The following SF3B4 variants were observed in gnomAD, a reference collection of about 807,000 sequenced individuals.
The protein encoded by SF3B4 is SAP 49.
Under a neutral mutation model 34.3 loss-of-function variants are expected in SF3B4, and 3 were observed. That is an observed-to-expected ratio of 0.09 (90% CI 0.04 to 0.23). SF3B4 has a LOEUF of 0.23. Ranked by LOEUF, SF3B4 falls within the 10% of genes least tolerant of loss-of-function variation. The probability of loss-of-function intolerance (pLI) is 1.00; values close to 1 mark genes in which losing one functional copy is unlikely to be tolerated. For missense variants in SF3B4, 283 were observed against 567.2 expected, an observed-to-expected ratio of 0.50 and a Z score of 5.09; for synonymous variants, 216 against 207.8, an observed-to-expected ratio of 1.04 and a Z score of -0.34.
rs2092588339 is a variant in SF3B4 at position 149,926,060 on chromosome 1, A to G, written c.707-18T>C. ...AGGCATGCCTATAGAGGAAATGGAA[A>G]AAGGAAGAGTTAATGGTAGTGAGGA... On this transcript the variant is annotated intron_variant, in intron 3 of 5. Coordinates refer to ENST00000271628, the MANE Select transcript of SF3B4 (RefSeq NM_005850.5). The surrounding 1 kb of genome is among the most constrained non-coding windows in gnomAD (Gnocchi z 6.2). 1.5e-6 allele frequency: 2 copies of G among 1,314,836 alleles called. No homozygotes were observed. The highest frequency in any genetic ancestry group is 2.1e-6 in the Non-Finnish European group (2 of 957,834). 81.4% of individuals were successfully genotyped at this position (1,314,836 alleles called of 1,614,324 possible).
chr1:149,926,089 A>G lies in SF3B4; in HGVS notation c.707-47T>C. 1.0e-6 allele frequency: 1 copy of G among 967,820 alleles called. No individual in the cohort carries two copies. 60.0% of individuals were successfully genotyped at this position (967,820 alleles called of 1,614,324 possible). ...GAAGAGTTAATGGTAGTGAGGAGAA[A>G]ATGTCTTTAAAGAGCCTGTCCTGAT... On this transcript the variant is annotated intron_variant, in intron 3 of 5. Coordinates refer to ENST00000271628, the MANE Select transcript of SF3B4 (RefSeq NM_005850.5). The surrounding 1 kb of genome is among the most constrained non-coding windows in gnomAD (Gnocchi z 6.2).
In SF3B4 at chr1:149,927,711, T is replaced by C. The variant is rs1277354819; in HGVS notation, c.34+15A>G. The stretch of plus-strand genomic sequence containing the variant: ...GCCACGCTGAGCCCATTCCAGACTT[T>C]CCCCCTCCAGTTACCCTGATTCCGC... On this transcript the variant is annotated intron_variant, in intron 1 of 5. Transcript: ENST00000271628. 4 of 1,552,496 alleles carry C rather than the reference T, an allele frequency of 2.6e-6. No homozygotes were observed. The highest frequency in any genetic ancestry group is 3.5e-6 in the Non-Finnish European group (4 of 1,147,470).
Position 149,923,578 on chromosome 1 carries a change from G to A in SF3B4, c.1239C>T (p.Pro413=). The change falls in exon 6 of 6, where the codon CCC becomes CCT. Residue 413 remains proline (P), a synonymous_variant. Coordinates refer to ENST00000271628, the MANE Select transcript of SF3B4 (RefSeq NM_005850.5). ...PPRPTPRPPV[P]PRGPLRGPLP... The stretch of plus-strand genomic sequence containing the variant: ...GAGGGCCTCGAAGTGGGCCTCGAGG[G>A]GGAACTGGTGGCCGGGGAGTGGGTC... The A allele has an allele frequency of 1.3e-6, 2 of 1,561,378 alleles. No homozygotes were observed. The highest frequency in any genetic ancestry group is 2.2e-5 in the Admixed American group (1 of 45,688).
In SF3B4 at chr1:149,927,798, C is replaced by T. The variant is rs781846540; in HGVS notation, c.-39G>A. ...CCGCCGTCTCCCAGCAGCGGTTCCG[C>T]CTTCTGACCTCAGCACGACTTCCAC... On this transcript the variant is annotated 5_prime_UTR_variant, in exon 1 of 6. Coordinates refer to ENST00000271628, the MANE Select transcript of SF3B4 (RefSeq NM_005850.5). The T allele has an allele frequency of 3.9e-6, 6 of 1,551,654 alleles. No individual in the cohort carries two copies. The highest frequency in any genetic ancestry group is 3.5e-6 in the Non-Finnish European group (4 of 1,147,016).
chr1:149,925,753 G>A, intron 4 of SF3B4, 83 bp downstream of exon 4: 1 of 1,026,864 alleles, frequency 9.7e-7, no homozygotes, highest in Non-Finnish European at 1.5e-6. Context: ...TGTTACTGTT[G>A]AGGAACAAAG....
chr1:149,924,029 T>C lies in SF3B4; in HGVS notation c.914-15A>G. ...CTGAGACATCCCTATGAAAATAAAATAGACACAAGAAGAAAAGAGACAAAG... is the reference window on the plus strand; with the variant it reads ...CTGAGACATCCCTATGAAAATAAAACAGACACAAGAAGAAAAGAGACAAAG... On this transcript the variant is annotated splice_polypyrimidine_tract_variant and intron_variant, in intron 4 of 5. Transcript: ENST00000271628. The C allele has an allele frequency of 8.6e-6, 13 of 1,511,666 alleles. No homozygotes were observed. The highest frequency in any genetic ancestry group is 1.1e-5 in the Non-Finnish European group (12 of 1,137,960). The allele number at this position is 1,511,666 out of a possible 1,614,324, so 93.6% of individuals were successfully genotyped here.
At chr1:149,925,733 ACT>A (rs782796310) in intron 4 of SF3B4, 101 bp downstream of exon 4, 1 of 859,412 alleles carries the variant, frequency 1.2e-6, no homozygotes, top group Non-Finnish European at 2.0e-6. Context: ...GGAAAGGAAA[ACT>A]CTGAAACTGT....
At chr1:149,925,653 CTT>C (rs1553765884) in intron 4 of SF3B4, 181 bp downstream of exon 4, 1 of 679,138 alleles carries the variant, frequency 1.5e-6, no homozygotes, top group Non-Finnish European at 2.7e-6. Context: ...GTCAGAAAAA[CTT>C]AAGAAATGGA....
Position 149,926,950 on chromosome 1 carries a change from G to GT in SF3B4, c.164-33dup, listed in dbSNP as rs782484637. The GT allele has an allele frequency of 4.5e-6, 7 of 1,559,186 alleles. No individual in the cohort carries two copies. Among genetic ancestry groups the GT allele is most frequent in the Non-Finnish European group, 6.1e-6 (7 of 1,154,972 alleles). ...AAGTGGAGAAGAGGAGGTTAACAAC[G>GT]TAAGTAAAGAGACTGAAAATGGGGT... On this transcript the variant is annotated intron_variant, in intron 2 of 5. Coordinates refer to ENST00000271628, the MANE Select transcript of SF3B4 (RefSeq NM_005850.5). The surrounding 1 kb of genome is among the most constrained non-coding windows in gnomAD (Gnocchi z 6.2).
At position 149,926,112 on chromosome 1, in the gene SF3B4, G is replaced by A. The variant is rs782799036; in HGVS notation, c.707-70C>T. 46 of 791,256 alleles carry A rather than the reference G, an allele frequency of 5.8e-5. No homozygotes were observed. Among genetic ancestry groups the A allele is most frequent in the Non-Finnish European group, 5.2e-5 (26 of 501,534 alleles). 49.0% of individuals were successfully genotyped at this position (791,256 alleles called of 1,614,324 possible). A position where few individuals can be genotyped will look rare whatever the true frequency, so the allele number is the denominator to read the frequency against. ...AAAATGTCTTTAAAGAGCCTGTCCTGATCTGGCCTCTCCAGGCAGGGTGAG... is the reference window on the plus strand; with the variant it reads ...AAAATGTCTTTAAAGAGCCTGTCCTAATCTGGCCTCTCCAGGCAGGGTGAG... On this transcript the variant is annotated intron_variant, in intron 3 of 5. Transcript: ENST00000271628. This position sits in a 1 kb window ranked among gnomAD's most constrained non-coding sequence, Gnocchi z 6.2.
intron 5 of SF3B4, 41 bp from the exon 6 acceptor site, chr1:149,923,770 AG>A: frequency 6.6e-7 from 1 of 1,521,772 alleles, no homozygotes; most frequent in Non-Finnish European, 8.8e-7. Context: ...GCACGGGACA[AG>A]GGGTGTGCCT....
chr1:149,926,331 T>C lies in SF3B4; in HGVS notation c.706+45A>G. The C allele has an allele frequency of 6.5e-7, 1 of 1,528,086 alleles. No homozygotes were observed. The highest frequency in any genetic ancestry group is 1.2e-5 in the South Asian group (1 of 80,160). The allele number at this position is 1,528,086 out of a possible 1,614,324, so 94.7% of individuals were successfully genotyped here. ...CTTGTTTTCTTCTTCCTCCTGACCC[T>C]CTCCCCCAACCTTAAGACAAACATA... is the stretch of plus-strand genomic sequence containing the variant. On this transcript the variant is annotated intron_variant, in intron 3 of 5. Transcript: ENST00000271628. This position sits in a 1 kb window ranked among gnomAD's most constrained non-coding sequence, Gnocchi z 6.2.
In SF3B4 at chr1:149,927,174, T is replaced by C; in HGVS notation, c.155A>G (p.Gln52Arg). The C allele has an allele frequency of 6.2e-7, 1 of 1,613,810 alleles. No homozygotes were observed. The highest frequency in any genetic ancestry group is 8.5e-7 in the Non-Finnish European group (1 of 1,180,034). Residue 52 changes from glutamine to arginine, a missense_variant, in exon 2 of 6, where the codon CAG (glutamine) becomes CGG (arginine). Coordinates refer to ENST00000271628, the MANE Select transcript of SF3B4 (RefSeq NM_005850.5). ...THMPKDRVTG[Q>R]HQGYGFVEFL... ...CCTTGTCATGTACTCACCTTGGTGC[T>C]GGCCAGTGACTCTATCCTTTGGCAT...
Position 149,926,660 on chromosome 1 carries a change from G to A in SF3B4, c.422C>T (p.Ser141Phe). Residue 141 changes from serine (S) to phenylalanine (F), a missense_variant, in exon 3 of 6, where the codon TCC becomes TTC. Physicochemically the swap from Ser to Phe is radical, Grantham distance 155 (BLOSUM62 -2). Coordinates refer to ENST00000271628, the MANE Select transcript of SF3B4 (RefSeq NM_005850.5). The surrounding 1 kb of genome is among the most constrained non-coding windows in gnomAD (Gnocchi z 6.2). ...AAAATTAATAAAGGCATAACCTTTGGAGTTGCCTGTGTCAGGGTCCCGCAT... is the reference window on the plus strand; with the variant it reads ...AAAATTAATAAAGGCATAACCTTTGAAGTTGCCTGTGTCAGGGTCCCGCAT... ...KIMRDPDTGN[S>F]KGYAFINFAS... is the part of the protein sequence containing the mutation. 6.2e-7 allele frequency: 1 copy of A among 1,614,226 alleles called. No individual in the cohort carries two copies. Among genetic ancestry groups the A allele is most frequent in the Non-Finnish European group, 8.5e-7 (1 of 1,180,030 alleles).
chr1:149,927,081 C>A lies in SF3B4; in HGVS notation c.163+85G>T, dbSNP rs2092594497. 3.9e-6 allele frequency: 6 copies of A among 1,552,200 alleles called. No individual in the cohort carries two copies. The Admixed American group carries it at 5.9e-5, about 15-fold the overall frequency. On this transcript the variant is annotated intron_variant, in intron 2 of 5. Coordinates refer to ENST00000271628, the MANE Select transcript of SF3B4 (RefSeq NM_005850.5). Reference sequence around the variant, plus strand: ...GAAGAGAGGCTTAAAAGAAAAAAATCTTTAGGTTGCTCATGTTATTCCAAA... The same window carrying A: ...GAAGAGAGGCTTAAAAGAAAAAAATATTTAGGTTGCTCATGTTATTCCAAA...
Position 149,923,884 on chromosome 1 carries a change from T to A in SF3B4, c.1044A>T (p.Pro348=). 1.2e-6 allele frequency: 2 copies of A among 1,605,384 alleles called. No homozygotes were observed. Among genetic ancestry groups the A allele is most frequent in the South Asian group, 1.1e-5 (1 of 90,032 alleles). ...GAGGCCCTCGGGGGGGCATGCCCATTGGAGGAGGTCCAGGATGAGGCATTC... is the reference window on the plus strand; with the variant it reads ...GAGGCCCTCGGGGGGGCATGCCCATAGGAGGAGGTCCAGGATGAGGCATTC... The part of the protein sequence containing the change: ...PPGMPHPGPP[P]MGMPPRGPPF... The change falls in exon 5 of 6, where the codon CCA becomes CCT. Residue 348 remains proline, a synonymous_variant. Transcript: ENST00000271628.
At chr1:149,924,470 A>C (rs587606075) in intron 4 of SF3B4, among the ~76,000 whole-genome samples, 1 of 152,190 alleles carries the variant, frequency 6.6e-6, no homozygotes, top group South Asian at 2.1e-4. Flanking sequence ...AGGGTGGTAA[A>C]AAGTGCTCCC....
intron 1 of SF3B4, 82 bp downstream of exon 1, chr1:149,927,644 C>A: frequency 6.7e-7 from 1 of 1,503,518 alleles, no homozygotes; most frequent in Non-Finnish European, 9.1e-7. Flanking sequence ...TCCAGTCTCC[C>A]ACCCCTGCAG....
rs2092566787 is a variant in SF3B4, at chr1:149,923,322, AAGG to A, written c.*217_*219del. 2.0e-6 allele frequency: 1 copy of A among 501,584 alleles called. No homozygotes were observed. Among genetic ancestry groups the A allele is most frequent in the Non-Finnish European group, 3.5e-6 (1 of 287,328 alleles). 31.1% of individuals were successfully genotyped at this position (501,584 alleles called of 1,614,324 possible). A position where few individuals can be genotyped will look rare whatever the true frequency, so the allele number is the denominator to read the frequency against. On this transcript the variant is annotated 3_prime_UTR_variant, in exon 6 of 6. Transcript: ENST00000271628. ...GTCAAGGAAAACACCACAAATAAAC[AAGG>A]AGTTTAGTTTTATTTTCTCTGTGCA...
Sources: allele counts gnomAD v4.1 joint callset (sites outside exome capture counted in the v4.1 genomes callset), GRCh38; gene constraint gnomAD v4.1.1; non-coding constraint Gnocchi (gnomAD v3.1); transcripts MANE v1.5; gene names NCBI Gene and HGNC (gene_info 2026-07-23, HGNC 2026-07-21).